Variants in HNF4A observed in about 807,000 individuals in gnomAD.
HNF4A encodes hepatocyte nuclear factor 4-alpha.
A neutral mutation model predicts 52.4 loss-of-function variants in HNF4A; 15 were observed. The ratio of observed to expected loss-of-function variants is 0.29; its 90% CI spans 0.19 to 0.44. HNF4A has a LOEUF of 0.44. HNF4A is among the 20% of genes least tolerant of loss of function. The probability of loss-of-function intolerance (pLI) is 1.00; values close to 1 mark genes in which losing one functional copy is unlikely to be tolerated. For synonymous variants in HNF4A, 280 were observed against 264.4 expected (o/e 1.06, Z -0.57); for missense variants, 479 against 647.2 (o/e 0.74, Z 2.82).
intron 1 of HNF4A, chr20:44,401,609 C>T: frequency 7.9e-7 from 1 of 1,272,860 alleles, no homozygotes; most frequent in South Asian, 1.3e-5. Flanking sequence ...TAGGTTGGTC[C>T]TACAGGCCAG....
At chr20:44,383,152 A>C (rs915462644) in intron 1 of HNF4A, among the ~76,000 whole-genome samples, 1 of 152,174 alleles carries the variant, frequency 6.6e-6, no homozygotes, top group Non-Finnish European at 1.5e-5. Context: ...CCTGAGTGAC[A>C]GAGACCCTGT....
chr20:44,374,466 C>T (rs112729188), intron 1 of HNF4A, among the ~76,000 whole-genome samples: 3,137 of 152,006 alleles, frequency 0.021, 98 homozygotes, highest in African/African-American at 0.069. Flanking sequence ...TGTCTTTCTA[C>T]TGTTTTGTTT....
chr20:44,385,030 C>T (rs2146268954), intron 1 of HNF4A, among the ~76,000 whole-genome samples: 1 of 128,160 alleles, frequency 7.8e-6, no homozygotes, highest in South Asian at 2.7e-4. Flanking sequence ...GCTGATATTT[C>T]CTAAGTGGTT....
intron 5 of HNF4A, among the ~76,000 whole-genome samples, chr20:44,416,269 G>T (rs1355245647): frequency 1.3e-5 from 2 of 152,242 alleles, no homozygotes; most frequent in Non-Finnish European, 2.9e-5. Flanking sequence ...AAAGTCGGGG[G>T]CATTGTCCTC....
In HNF4A at chr20:44,432,347, T is replaced by C. The variant is rs1382597183; in HGVS notation, c.*2682T>C. 2.4e-5 allele frequency: 3 copies of C among 124,552 alleles called. No homozygotes were observed. Among genetic ancestry groups the C allele is most frequent in the African/African-American group, 7.0e-5 (2 of 28,702 alleles). 7.7% of individuals were successfully genotyped at this position (124,552 alleles called of 1,614,324 possible). The stretch of plus-strand genomic sequence containing the variant: ...ATATTAGAAAATCTCTCGCTCTCTT[T>C]TTTTTTTTTTTTTTTTTTTTTGGCT... On this transcript the variant is annotated 3_prime_UTR_variant, in exon 10 of 10. Coordinates refer to ENST00000316099, the MANE Select transcript of HNF4A (RefSeq NM_000457.6).
In HNF4A at chr20:44,432,627, T is replaced by C. The variant is rs2063892113; in HGVS notation, c.*2962T>C. 1 of 152,152 alleles carries C rather than the reference T, an allele frequency of 6.6e-6. No homozygotes were observed. Among genetic ancestry groups the C allele is most frequent in the South Asian group, 2.1e-4 (1 of 4,824 alleles). The allele number at this position is 152,152 out of a possible 1,614,324, so 9.4% of individuals were successfully genotyped here. A position where few individuals can be genotyped will look rare whatever the true frequency, so the allele number is the denominator to read the frequency against. ...TTTCTGTGATCTGCCCTGATTAAGA[T>C]GAATTGTGAAATTTACATCAAGCAA... On this transcript the variant is annotated 3_prime_UTR_variant, in exon 10 of 10. Coordinates refer to ENST00000316099, the MANE Select transcript of HNF4A (RefSeq NM_000457.6).
intron 1 of HNF4A, among the ~76,000 whole-genome samples, chr20:44,404,907 T>TA: frequency 1.4e-5 from 1 of 73,828 alleles, no homozygotes; most frequent in Non-Finnish European, 2.7e-5. Flanking sequence ...GTGGTGTGTG[T>TA]GGTGTGTGTG....
chr20:44,368,995 C>CCCAGCA (rs1435639058), intron 1 of HNF4A, among the ~76,000 whole-genome samples: 1 of 151,952 alleles, frequency 6.6e-6, no homozygotes, highest in Admixed American at 6.6e-5. Flanking sequence ...CGCCTGTAAT[C>CCCAGCA]CCAGCACTTT....
intron 1 of HNF4A, among the ~76,000 whole-genome samples, chr20:44,386,782 A>G (rs191404880): frequency 3.3e-4 from 50 of 152,328 alleles, no homozygotes; most frequent in Non-Finnish European, 1.5e-5. Flanking sequence ...TAGGTCAAGA[A>G]ACCCTGGTTA....
intron 5 of HNF4A, among the ~76,000 whole-genome samples, chr20:44,415,429 A>G (rs1054948922): frequency 2.0e-5 from 3 of 152,114 alleles, no homozygotes; most frequent in Non-Finnish European, 2.9e-5. Context: ...GGGGGAAGAA[A>G]GGGTTGAAGG....
chr20:44,367,992 A>C (rs946654195), intron 1 of HNF4A, among the ~76,000 whole-genome samples: 4 of 149,628 alleles, frequency 2.7e-5, no homozygotes, highest in South Asian at 2.1e-4. Flanking sequence ...AGGAGAGTTT[A>C]TCTCTCCTTC....
At chr20:44,414,369 C>T in intron 4 of HNF4A, 138 bp from the exon 5 acceptor site, 1 of 1,234,234 alleles carries the variant, frequency 8.1e-7, no homozygotes, top group Non-Finnish European at 1.2e-6. Flanking sequence ...TTACCCTGAG[C>T]TTCCTTCAGA....
At chr20:44,368,161 T>TATATATATA (rs71195542) in intron 1 of HNF4A, among the ~76,000 whole-genome samples, 1 of 18,318 alleles carries the variant, frequency 5.5e-5, no homozygotes, top group East Asian at 1.4e-3. Flanking sequence ...TATATATATA[T>TATATATATA]TTTTTTTTTT....
chr20:44,414,649 C>T lies in HNF4A; in HGVS notation c.635C>T (p.Pro212Leu), dbSNP rs201749293. Residue 212 changes from proline (P) to leucine (L), a missense_variant, in exon 5 of 10, where the codon CCC becomes CTC. Around this residue, in one of 3 missense-constraint regions of HNF4A, gnomAD observed 389 missense variants for 525.1 expected, o/e 0.74. Coordinates refer to ENST00000316099, the MANE Select transcript of HNF4A (RefSeq NM_000457.6). The stretch of plus-strand genomic sequence containing the variant: ...TACATCCCAGCTTTCTGCGAGCTCC[C>T]CCTGGACGACCAGGTGAGGATGGGC... The T allele has an allele frequency of 1.3e-4, 213 of 1,607,034 alleles. No individual in the cohort carries two copies. Among genetic ancestry groups the T allele is most frequent in the Middle Eastern group, 8.3e-4 (5 of 6,058 alleles).
intron 1 of HNF4A, among the ~76,000 whole-genome samples, chr20:44,371,936 T>G (rs1346645462): frequency 6.6e-6 from 1 of 152,242 alleles, no homozygotes; most frequent in African/African-American, 2.4e-5. Flanking sequence ...ATTCTCATGC[T>G]TCCTCTAATT....
In HNF4A at chr20:44,413,950, A is replaced by G. The variant is rs1323062490; in HGVS notation, c.492+150A>G. On this transcript the variant is annotated intron_variant, in intron 4 of 9. Coordinates refer to ENST00000316099, the MANE Select transcript of HNF4A (RefSeq NM_000457.6). ...GAAGGGACACTGAGTCCGGTTTCAC[A>G]TGGCCCAGTTTGCAGCAAGGGCAGG... 4.4e-6 allele frequency: 3 copies of G among 687,986 alleles called. No individual in the cohort carries two copies. In the African/African-American group the frequency reaches 5.3e-5, roughly 12 times the overall value. The allele number at this position is 687,986 out of a possible 1,614,324, so 42.6% of individuals were successfully genotyped here.
intron 1 of HNF4A, chr20:44,377,706 A>C (rs1399916613): frequency 6.6e-6 from 1 of 152,086 alleles, no homozygotes; most frequent in Non-Finnish European, 1.5e-5. Flanking sequence ...GGTAAAAAAA[A>C]CAAAGTTGAA....
chr20:44,427,815 T>C (rs2063830076), intron 8 of HNF4A, among the ~76,000 whole-genome samples: 2 of 152,140 alleles, frequency 1.3e-5, no homozygotes, highest in African/African-American at 2.4e-5. Flanking sequence ...CTTATGGACA[T>C]GGAACAGGTT....
chr20:44,406,687 C>T (rs1484094981), intron 2 of HNF4A, among the ~76,000 whole-genome samples: 2 of 152,346 alleles, frequency 1.3e-5, no homozygotes, highest in South Asian at 2.1e-4. Context: ...AGCCCTCTTT[C>T]GAAAGCATCT....
Sources: gnomAD v4.1 joint callset for allele counts (sites outside exome capture counted in the v4.1 genomes callset) on GRCh38, gnomAD v4.1.1 for gene constraint, gnomAD v4.1.1 regional missense constraint, MANE v1.5 for transcripts, NCBI Gene and HGNC (gene_info 2026-07-23, HGNC 2026-07-21) for gene names.